CALN1: variants seen among roughly 807,000 people sequenced by gnomAD.
The protein encoded by CALN1 is calcium-binding protein 8.
CALN1 carries 17 observed loss-of-function variants against 30.6 expected under a neutral mutation model. The observed-to-expected ratio is 0.56, with a 90% confidence interval of 0.38 to 0.83. The LOEUF (loss-of-function observed/expected upper bound fraction) is 0.83. CALN1 is among the 40% of genes least tolerant of loss of function. CALN1 has a pLI of 0.00. For missense variants in CALN1, 291 were observed against 354.9 expected, an observed-to-expected ratio of 0.82 and a Z score of 1.45; for synonymous variants, 156 against 131.4, an observed-to-expected ratio of 1.19 and a Z score of -1.28.
At chr7:72,216,859 C>T (rs1482587223) in intron 3 of CALN1, among the ~76,000 whole-genome samples, 1 of 152,156 alleles carries the variant, frequency 6.6e-6, no homozygotes, top group Non-Finnish European at 1.5e-5. Context: ...TGAAGTGATC[C>T]TCCTGCCTCA....
At chr7:72,054,248 T>G (rs1803031519) in intron 4 of CALN1, among the ~76,000 whole-genome samples, 1 of 151,944 alleles carries the variant, frequency 6.6e-6, no homozygotes, top group Non-Finnish European at 1.5e-5. Context: ...TGTACTAGTT[T>G]ACATTCCCAC....
chr7:71,918,995 AT>A (rs1324874601), intron 5 of CALN1, among the ~76,000 whole-genome samples: 1 of 152,102 alleles, frequency 6.6e-6, no homozygotes, highest in African/African-American at 2.4e-5. Context: ...AGGAGCATGT[AT>A]TTTTCATCTT....
the CALN1 span, among the ~76,000 whole-genome samples, chr7:72,501,543 AGGAG>A: frequency 2.3e-4 from 29 of 127,112 alleles, no homozygotes; most frequent in South Asian, 1.2e-3. Context: ...AAGGAAAGGA[AGGAG>A]GGAGGGAGGG....
At chr7:71,950,617 CT>C (rs1796641141) in intron 5 of CALN1, among the ~76,000 whole-genome samples, 1 of 152,126 alleles carries the variant, frequency 6.6e-6, no homozygotes, top group African/African-American at 2.4e-5. Context: ...TCTTTTGTCC[CT>C]AACACCCCCG....
chr7:72,435,899 A>G (rs1808142492), intron 1 of CALN1, among the ~76,000 whole-genome samples: 1 of 152,200 alleles, frequency 6.6e-6, no homozygotes. Context: ...TGCCAAGATA[A>G]TGGAATAAGC....
chr7:71,976,204 G>A (rs539675971), intron 5 of CALN1, among the ~76,000 whole-genome samples: 6 of 152,152 alleles, frequency 3.9e-5, no homozygotes, highest in African/African-American at 1.4e-4. Flanking sequence ...AAACACATGG[G>A]GGTAGATCCC....
chr7:72,076,200 T>TC (rs1804713252), intron 4 of CALN1, among the ~76,000 whole-genome samples: 1 of 151,688 alleles, frequency 6.6e-6, no homozygotes, highest in Non-Finnish European at 1.5e-5. Flanking sequence ...AATACCTAGA[T>TC]CATGGGTTGA....
rs769100113 is a variant in CALN1 at position 72,043,588 on chromosome 7, G to C, written c.389-19819C>G. On this transcript the variant is annotated intron_variant, in intron 4 of 6. Transcript: ENST00000395275. The stretch of plus-strand genomic sequence containing the variant: ...GTTTGAAACCAGCTTGGACAACATA[G>C]CCAGACCTCATCTTTACAAAAAATA... Among the ~76,000 whole-genome samples the C allele has an allele frequency of 3.3e-5, 5 of 151,876 alleles. 1 individual carries two copies. Among genetic ancestry groups the C allele is most frequent in the Non-Finnish European group, 7.4e-5 (5 of 67,998 alleles).
chr7:72,347,991 C>T (rs1802732783), intron 2 of CALN1, among the ~76,000 whole-genome samples: 1 of 152,058 alleles, frequency 6.6e-6, no homozygotes, highest in African/African-American at 2.4e-5. Context: ...ATTATCCAGG[C>T]ATGGTAGCAG....
intron 5 of CALN1, among the ~76,000 whole-genome samples, chr7:71,868,831 C>A (rs908213862): frequency 6.6e-6 from 1 of 152,098 alleles, no homozygotes; most frequent in African/African-American, 2.4e-5. Flanking sequence ...GATCTGTTTG[C>A]CCTATTAATA....
At chr7:72,280,769 A>T (rs117937141) in intron 2 of CALN1, among the ~76,000 whole-genome samples, 1 of 152,160 alleles carries the variant, frequency 6.6e-6, no homozygotes, top group African/African-American at 2.4e-5. Flanking sequence ...GACCTTTAAG[A>T]GGTGATTAGG....
chr7:72,394,966 ATTC>A (rs1805818537), intron 2 of CALN1, among the ~76,000 whole-genome samples: 1 of 152,030 alleles, frequency 6.6e-6, no homozygotes, highest in Non-Finnish European at 1.5e-5. Flanking sequence ...CCTACATTCT[ATTC>A]TTGTCTTGTA....
At chr7:71,864,570 C>T (rs530891375) in intron 5 of CALN1, among the ~76,000 whole-genome samples, 2 of 152,334 alleles carry the variant, frequency 1.3e-5, no homozygotes, top group South Asian at 4.1e-4. Context: ...ATGTAGCTAA[C>T]ACCTTGACTG....
rs1562951190 is a variant in CALN1 at position 72,403,258 on chromosome 7, G to C, written c.112C>G (p.Pro38Ala). The change falls in exon 2 of 7, where the codon CCC (proline) becomes GCC (alanine). Residue 38 changes from proline to alanine, a missense_variant. Pro to Ala is a conservative substitution (Grantham distance 27). Coordinates refer to ENST00000395275, the MANE Select transcript of CALN1 (RefSeq NM_031468.4). Reference sequence around the variant, plus strand: ...TGGGGGAAGAAGACTTGCCAGGTGGGGAAGTCGGGGGCCTGGCTCCTCGGC... The same window carrying C: ...TGGGGGAAGAAGACTTGCCAGGTGGCGAAGTCGGGGGCCTGGCTCCTCGGC... ...EPPRSQAPDF[P>A]TWEKMPFHHV... is the part of the protein sequence containing the mutation. 1.3e-6 allele frequency: 2 copies of C among 1,549,084 alleles called. No individual in the cohort carries two copies. The highest frequency in any genetic ancestry group is 1.7e-6 in the Non-Finnish European group (2 of 1,146,646).
intron 3 of CALN1, among the ~76,000 whole-genome samples, chr7:72,130,580 C>T (rs1292245004): frequency 1.3e-5 from 2 of 152,042 alleles, no homozygotes. Flanking sequence ...ACCAACCTAA[C>T]GTGTAGAGTA....
chr7:71,837,273 A>G (rs1562825747), intron 5 of CALN1, among the ~76,000 whole-genome samples: 1 of 150,384 alleles, frequency 6.6e-6, no homozygotes, highest in African/African-American at 2.5e-5. Context: ...AAAGCCACAA[A>G]GTTAGCTCTC....
intron 5 of CALN1, among the ~76,000 whole-genome samples, chr7:72,011,258 G>C (rs1469061534): frequency 3.9e-5 from 6 of 152,130 alleles, no homozygotes; most frequent in Admixed American, 1.3e-4. Flanking sequence ...CCAGACAGCA[G>C]TACCTCCACA....
At chr7:72,295,800 C>T (rs1192843286) in intron 2 of CALN1, among the ~76,000 whole-genome samples, 1 of 151,704 alleles carries the variant, frequency 6.6e-6, no homozygotes, top group Non-Finnish European at 1.5e-5. Flanking sequence ...ACAATCATGT[C>T]GTCTGCAAAG....
chr7:71,841,449 C>T (rs1329017106), intron 5 of CALN1, among the ~76,000 whole-genome samples: 1 of 152,156 alleles, frequency 6.6e-6, no homozygotes, highest in Non-Finnish European at 1.5e-5. Context: ...ATGGAGATTT[C>T]CCAGAGAATT....
Sources: gnomAD v4.1 joint callset for allele counts (sites outside exome capture counted in the v4.1 genomes callset) on GRCh38, gnomAD v4.1.1 for gene constraint, MANE v1.5 for transcripts, NCBI Gene and HGNC (gene_info 2026-07-23, HGNC 2026-07-21) for gene names.